Variants in GALK2 observed in about 807,000 individuals in gnomAD.
GALK2 encodes N-acetylgalactosamine kinase.
GALK2 carries 36 observed loss-of-function variants against 52.4 expected under a neutral mutation model. That is an observed-to-expected ratio of 0.69 (90% CI 0.53 to 0.91). The LOEUF (loss-of-function observed/expected upper bound fraction) is 0.91. Among genes scored for constraint, GALK2 ranks in the 40% least tolerant of loss-of-function variants. The pLI is 0.00. For synonymous variants in GALK2, 176 were observed against 199.1 expected (o/e 0.88, Z 0.98); for missense variants, 579 against 559.1 (o/e 1.04, Z -0.36).
At chr15:49,239,479 C>A in intron 5 of GALK2, 112 bp downstream of exon 5, 1 of 974,914 alleles carries the variant, frequency 1.0e-6, no homozygotes, top group Non-Finnish European at 1.6e-6. Context: ...TCTAAAAGGA[C>A]TGCACATGTG....
At chr15:49,352,603 A>T (rs892080576) in intron 3 of GALK2, among the ~76,000 whole-genome samples, 21 of 152,116 alleles carry the variant, frequency 1.4e-4, no homozygotes, top group African/African-American at 4.1e-4. Flanking sequence ...GTTATGCATA[A>T]TTTTTTTGTC....
rs748001624 is a variant in GALK2 at position 49,319,757 on chromosome 15, T to G, written c.1121T>G (p.Met374Arg). Residue 374 changes from methionine to arginine, a missense_variant, in exon 9 of 10, where the codon ATG becomes AGG. Physicochemically the swap from Met to Arg is moderately conservative, Grantham distance 91. Transcript: ENST00000560031. ...MNQSHMSCRDMYECSCPELDQ... is the reference protein window; with the variant it reads ...MNQSHMSCRDRYECSCPELDQ... ...CAGAGCCACATGAGCTGCCGGGACA[T>G]GTATGAGTGCAGCTGCCCCGAGCTG... is the stretch of plus-strand genomic sequence containing the variant. 5.6e-6 allele frequency: 9 copies of G among 1,613,920 alleles called. No homozygotes were observed. The African/African-American group carries it at 1.2e-4, about 22-fold the overall frequency.
At chr15:49,228,223 TG>T (rs2090249614) in intron 3 of GALK2, among the ~76,000 whole-genome samples, 1 of 152,188 alleles carries the variant, frequency 6.6e-6, no homozygotes, top group African/African-American at 2.4e-5. Context: ...CATATTTGTT[TG>T]GGGATCTCTG....
intron 3 of GALK2, among the ~76,000 whole-genome samples, chr15:49,231,237 A>G (rs2090484769): frequency 6.6e-6 from 1 of 152,214 alleles, no homozygotes; most frequent in Admixed American, 6.5e-5. Context: ...AGAAGCAGGC[A>G]TGTCTTACAT....
intron 2 of GALK2, among the ~76,000 whole-genome samples, chr15:49,204,349 C>T (rs555024441): frequency 6.0e-5 from 9 of 149,214 alleles, no homozygotes; most frequent in African/African-American, 1.5e-4. Flanking sequence ...TTTGTGATTC[C>T]ATACAAATTT....
At chr15:49,310,198 T>G (rs1029679845) in intron 8 of GALK2, among the ~76,000 whole-genome samples, 3 of 152,212 alleles carry the variant, frequency 2.0e-5, no homozygotes, top group Non-Finnish European at 2.9e-5. Flanking sequence ...TTATCCATAT[T>G]TCTGCTAATG....
intron 3 of GALK2, among the ~76,000 whole-genome samples, chr15:49,341,620 G>GGGATTA (rs1351135738): frequency 6.6e-6 from 1 of 152,138 alleles, no homozygotes. Flanking sequence ...CCAAAGTACT[G>GGGATTA]GGATTACAGG....
In GALK2 at chr15:49,170,305, A is replaced by C. The variant is rs776132660; in HGVS notation, c.-18A>C. The C allele has an allele frequency of 6.3e-7, 1 of 1,575,652 alleles. No individual in the cohort carries two copies. Among genetic ancestry groups the C allele is most frequent in the Non-Finnish European group, 8.6e-7 (1 of 1,160,160 alleles). The stretch of plus-strand genomic sequence containing the variant: ...TTAGACACTTGAAACTACAGGAGAA[A>C]GAAGGATCTAGCGAAATATGGCTAC... On this transcript the variant is annotated 5_prime_UTR_variant, in exon 1 of 10. Coordinates refer to ENST00000560031, the MANE Select transcript of GALK2 (RefSeq NM_002044.4).
intron 1 of GALK2, among the ~76,000 whole-genome samples, chr15:49,158,060 T>A (rs2084519274): frequency 6.6e-6 from 1 of 152,226 alleles, no homozygotes; most frequent in East Asian, 1.9e-4. Flanking sequence ...GTTTCTGTAG[T>A]TTATGACCTA....
At chr15:49,186,486 T>A (rs1035392352) in intron 1 of GALK2, among the ~76,000 whole-genome samples, 1 of 152,004 alleles carries the variant, frequency 6.6e-6, no homozygotes, top group Non-Finnish European at 1.5e-5. Flanking sequence ...AATGTATTTG[T>A]TAAATTTATC....
intron 1 of GALK2, among the ~76,000 whole-genome samples, chr15:49,192,514 TA>T (rs2086840997): frequency 8.1e-6 from 1 of 122,804 alleles, no homozygotes; most frequent in African/African-American, 2.9e-5. Flanking sequence ...TATATATATA[TA>T]TATATATATA....
intron 3 of GALK2, among the ~76,000 whole-genome samples, chr15:49,360,095 G>T (rs1299307448): frequency 1.7e-5 from 2 of 118,444 alleles, no homozygotes; most frequent in Non-Finnish European, 3.4e-5. Context: ...GTTGTGGGGT[G>T]GGGGGAGGGG....
chr15:49,161,547 G>T (rs918476745), intron 1 of GALK2, among the ~76,000 whole-genome samples: 1 of 151,860 alleles, frequency 6.6e-6, no homozygotes, highest in Non-Finnish European at 1.5e-5. Flanking sequence ...ATAGAAAATT[G>T]TAATTTTAAC....
At chr15:49,184,914 C>A (rs750759038) in intron 1 of GALK2, among the ~76,000 whole-genome samples, 4 of 152,062 alleles carry the variant, frequency 2.6e-5, no homozygotes, top group Non-Finnish European at 5.9e-5. Flanking sequence ...TATAGTGTTA[C>A]AATGTTCTGT....
At chr15:49,184,729 C>T (rs1325099153) in intron 1 of GALK2, among the ~76,000 whole-genome samples, 1 of 152,052 alleles carries the variant, frequency 6.6e-6, no homozygotes, top group African/African-American at 2.4e-5. Flanking sequence ...AAGAAACAAA[C>T]GAGAAAAGAG....
At chr15:49,261,156 G>A (rs1409465996) in intron 5 of GALK2, among the ~76,000 whole-genome samples, 1 of 149,332 alleles carries the variant, frequency 6.7e-6, no homozygotes, top group Non-Finnish European at 1.5e-5. Flanking sequence ...ATTACCTTGG[G>A]CAGTATGGCC....
rs781211218 is a variant in GALK2, at chr15:49,328,110, T to G, written c.1328T>G (p.Leu443Trp). 5 of 1,614,074 alleles carry G rather than the reference T, an allele frequency of 3.1e-6. No homozygotes were observed. Among genetic ancestry groups the G allele is most frequent in the Non-Finnish European group, 4.2e-6 (5 of 1,179,974 alleles). ...DGSLAPEKQSLFATKPGGGAL... is the reference protein window; with the variant it reads ...DGSLAPEKQSWFATKPGGGAL... ...AGCTTAGCACCGGAGAAGCAAAGTT[T>G]GTTTGCTACCAAACCTGGAGGTGGG... is the stretch of plus-strand genomic sequence containing the variant. The change falls in exon 10 of 10, where the codon TTG becomes TGG. Residue 443 changes from leucine (L) to tryptophan (W), a missense_variant. Transcript: ENST00000560031.
At chr15:49,208,067 C>T (rs143358991) in intron 2 of GALK2, among the ~76,000 whole-genome samples, 170 of 152,328 alleles carry the variant, frequency 1.1e-3, no homozygotes, top group African/African-American at 3.8e-3. Flanking sequence ...GTCACTGCGC[C>T]GGCCCAATTT....
chr15:49,208,501 T>C (rs531154555), intron 2 of GALK2, among the ~76,000 whole-genome samples: 18 of 152,230 alleles, frequency 1.2e-4, no homozygotes, highest in Non-Finnish European at 2.4e-4. Flanking sequence ...TTTTATTTCA[T>C]TGTAGTTTGA....
Sources: gnomAD v4.1 joint callset for allele counts (sites outside exome capture counted in the v4.1 genomes callset) on GRCh38, gnomAD v4.1.1 for gene constraint, MANE v1.5 for transcripts, NCBI Gene and HGNC (gene_info 2026-07-23, HGNC 2026-07-21) for gene names.